Variants in NEK5 observed in about 807,000 individuals in gnomAD.
The protein encoded by NEK5 is NIMA related kinase 5.
NEK5 carries 88 observed loss-of-function variants against 109.2 expected under a neutral mutation model. The ratio of observed to expected loss-of-function variants is 0.81; its 90% CI spans 0.68 to 0.96. The LOEUF is 0.96. Ranked by LOEUF, NEK5 falls within the 40% of genes least tolerant of loss-of-function variation. The pLI is 0.00. For missense variants in NEK5, 834 were observed against 920.7 expected (o/e 0.91, Z 1.22); for synonymous variants, 283 against 299.9 (o/e 0.94, Z 0.58).
chr13:52,056,304 T>C (rs1743649891), intron 22 of NEK5, among the ~76,000 whole-genome samples: 1 of 152,156 alleles, frequency 6.6e-6, no homozygotes, highest in African/African-American at 2.4e-5. Context: ...AAGCAAGTCC[T>C]GAGCCACCTA....
intron 3 of NEK5, among the ~76,000 whole-genome samples, chr13:52,121,452 T>C (rs1955968448): frequency 6.6e-6 from 1 of 152,144 alleles, no homozygotes; most frequent in South Asian, 2.1e-4. Context: ...GAGGGAAATG[T>C]TCCTATTTTT....
chr13:52,045,130 CTTTTTTT>C (rs374051509), intron 23 of NEK5, among the ~76,000 whole-genome samples: 1 of 108,704 alleles, frequency 9.2e-6, no homozygotes, highest in Non-Finnish European at 1.8e-5. Context: ...AATAAAAAAT[CTTTTTTT>C]TTTTTTTTTT....
At chr13:52,079,562 G>A (rs1176093026) in intron 17 of NEK5, among the ~76,000 whole-genome samples, 6 of 152,360 alleles carry the variant, frequency 3.9e-5, no homozygotes, top group East Asian at 1.9e-4. Flanking sequence ...TCAGCCTCCC[G>A]AGGTGCCGGG....
chr13:52,061,248 C>T (rs1268291292), intron 22 of NEK5, among the ~76,000 whole-genome samples: 3 of 152,130 alleles, frequency 2.0e-5, no homozygotes, highest in Admixed American at 1.3e-4. Flanking sequence ...CCCATGAGAA[C>T]TGAATGCAGC....
chr13:52,080,099 C>G (rs969358073), intron 17 of NEK5, among the ~76,000 whole-genome samples: 2 of 151,860 alleles, frequency 1.3e-5, no homozygotes, highest in African/African-American at 4.8e-5. Context: ...AGCCTATCCG[C>G]CCGGCAGCCA....
chr13:52,114,389 A>G (rs1269314312), intron 4 of NEK5, among the ~76,000 whole-genome samples: 1 of 152,204 alleles, frequency 6.6e-6, no homozygotes, highest in Non-Finnish European at 1.5e-5. Context: ...AAAGTACCCT[A>G]ACCAACTTTA....
chr13:52,074,044 A>T (rs1412816769), intron 19 of NEK5, among the ~76,000 whole-genome samples: 2 of 152,192 alleles, frequency 1.3e-5, no homozygotes, highest in Non-Finnish European at 2.9e-5. Context: ...TAAAATGGCC[A>T]TACTGCCCAA....
At position 52,083,242 on chromosome 13, in the gene NEK5, G is replaced by C; in HGVS notation, c.1572+18C>G. The C allele has an allele frequency of 6.5e-7, 1 of 1,543,458 alleles. No individual in the cohort carries two copies. Among genetic ancestry groups the C allele is most frequent in the Non-Finnish European group, 9.0e-7 (1 of 1,115,874 alleles). Reference sequence around the variant, plus strand: ...ACACACACTGCAAGCACACACATCTGATCATAGCCATCATTACCTGCACAG... The same window carrying C: ...ACACACACTGCAAGCACACACATCTCATCATAGCCATCATTACCTGCACAG... On this transcript the variant is annotated intron_variant, in intron 17 of 23. Transcript: ENST00000684899.
chr13:52,111,032 G>C (rs970320589), intron 5 of NEK5, among the ~76,000 whole-genome samples: 2 of 152,088 alleles, frequency 1.3e-5, no homozygotes, highest in Non-Finnish European at 2.9e-5. Flanking sequence ...AGAAATGGGG[G>C]ATCTGTGAGG....
chr13:52,090,722 C>T (rs1955262156), intron 13 of NEK5, among the ~76,000 whole-genome samples: 1 of 152,110 alleles, frequency 6.6e-6, no homozygotes, highest in Non-Finnish European at 1.5e-5. Context: ...CCCCCCAAAT[C>T]CTATACAAAT....
At chr13:52,101,032 A>G (rs1955517018) in intron 11 of NEK5, among the ~76,000 whole-genome samples, 1 of 152,222 alleles carries the variant, frequency 6.6e-6, no homozygotes, top group Admixed American at 6.5e-5. Context: ...CAAATGAATT[A>G]GTAATTTTCT....
chr13:52,119,934 T>C (rs1955936574), intron 3 of NEK5, among the ~76,000 whole-genome samples: 1 of 152,214 alleles, frequency 6.6e-6, no homozygotes, highest in Non-Finnish European at 1.5e-5. Flanking sequence ...TGTATTTTCT[T>C]GTTCTACTTT....
chr13:52,050,611 CTT>C (rs33996599), intron 22 of NEK5, among the ~76,000 whole-genome samples: 1 of 134,822 alleles, frequency 7.4e-6, no homozygotes. Context: ...ACACCTTCAT[CTT>C]TTTTTTTTTT....
At chr13:52,037,302 TC>T in intron 23 of NEK5, 84 bp from the exon 24 acceptor site, 1 of 583,274 alleles carries the variant, frequency 1.7e-6, no homozygotes, top group Non-Finnish European at 2.2e-6. Context: ...CTTTTCTCCA[TC>T]CCCAGTTGAG....
intron 8 of NEK5, 139 bp downstream of exon 8, chr13:52,108,178 AT>A: frequency 1.7e-6 from 1 of 589,552 alleles, no homozygotes; most frequent in Non-Finnish European, 3.0e-6. Flanking sequence ...GTCCAGAACA[AT>A]TTCACACATG....
chr13:52,113,843 G>A (rs1955801919), intron 4 of NEK5, among the ~76,000 whole-genome samples: 1 of 152,162 alleles, frequency 6.6e-6, no homozygotes. Context: ...ATGGATTGCT[G>A]TCCAAGAGAG....
Position 52,055,001 on chromosome 13 carries a change from G to A in NEK5, c.2111-4780C>T, listed in dbSNP as rs1423372910. Reference sequence around the variant, plus strand: ...AGGCTTCAGACGATCAAATTACTCCGAGCTATGGGAGGACATTCAAACCAA... The same window carrying A: ...AGGCTTCAGACGATCAAATTACTCCAAGCTATGGGAGGACATTCAAACCAA... On this transcript the variant is annotated intron_variant, in intron 22 of 23. Coordinates refer to ENST00000684899, the MANE Select transcript of NEK5 (RefSeq NM_001365552.1). Among the ~76,000 whole-genome samples, 9 of 152,340 alleles carry A rather than the reference G, an allele frequency of 5.9e-5. No individual in the cohort carries two copies. The East Asian group carries it at 9.6e-4, about 16-fold the overall frequency.
intron 23 of NEK5, among the ~76,000 whole-genome samples, chr13:52,045,740 G>T (rs1954452984): frequency 7.4e-6 from 1 of 135,364 alleles, no homozygotes; most frequent in Non-Finnish European, 1.6e-5. Context: ...ACTCCAGCCT[G>T]GGCGACAGAC....
Position 52,065,551 on chromosome 13 carries a change from C to T in NEK5, c.1908G>A (p.Ala636=), listed in dbSNP as rs1281941273. The part of the protein sequence containing the change: ...VGNRRQWDGG[A]PQTLLQMMAV... ...CCATCATCTGCAGCAGAGTCTGAGG[C>T]GCTCCTCCATCCCACTGCCTCCTGT... Residue 636 remains alanine (A), a synonymous_variant, in exon 21 of 24, where the codon GCG becomes GCA. Coordinates refer to ENST00000684899, the MANE Select transcript of NEK5 (RefSeq NM_001365552.1). The T allele has an allele frequency of 9.9e-6, 16 of 1,613,878 alleles. No individual in the cohort carries two copies. The highest frequency in any genetic ancestry group is 6.7e-5 in the African/African-American group (5 of 74,906).
Sources: gnomAD v4.1 joint callset for allele counts (sites outside exome capture counted in the v4.1 genomes callset) on GRCh38, gnomAD v4.1.1 for gene constraint, MANE v1.5 for transcripts, NCBI Gene and HGNC (gene_info 2026-07-23, HGNC 2026-07-21) for gene names.